FNDC3B: variants seen among roughly 807,000 people sequenced by gnomAD.
FNDC3B encodes the protein fibronectin type III domain containing 3B.
A neutral mutation model predicts 151.5 loss-of-function variants in FNDC3B; 12 were observed. That is an observed-to-expected ratio of 0.08 (90% CI 0.05 to 0.13). The LOEUF (loss-of-function observed/expected upper bound fraction) is 0.13. FNDC3B is among the 10% of genes least tolerant of loss of function. The pLI, the probability that FNDC3B is intolerant of heterozygous loss-of-function variation, is 1.00. For synonymous variants in FNDC3B, 528 were observed against 549.0 expected, an observed-to-expected ratio of 0.96 and a Z score of 0.54; for missense variants, 1,214 against 1,505.3, an observed-to-expected ratio of 0.81 and a Z score of 3.20.
chr3:172,256,910 G>A (rs968765087), intron 6 of FNDC3B, among the ~76,000 whole-genome samples: 1 of 151,980 alleles, frequency 6.6e-6, no homozygotes, highest in Admixed American at 6.6e-5. Context: ...AGGAAATCAA[G>A]AGTGTAAAGT....
intron 4 of FNDC3B, among the ~76,000 whole-genome samples, chr3:172,233,702 A>T (rs868006586): frequency 2.1e-4 from 32 of 152,354 alleles, no homozygotes; most frequent in Middle Eastern, 3.4e-3. Flanking sequence ...TGTGAAAATG[A>T]TAACAGAAAG....
intron 3 of FNDC3B, among the ~76,000 whole-genome samples, chr3:172,168,050 A>T (rs1322451092): frequency 6.6e-6 from 1 of 152,202 alleles, no homozygotes; most frequent in African/African-American, 2.4e-5. Context: ...GCTATGATGT[A>T]GGTCTTTTCT....
chr3:172,378,412 A>G lies in FNDC3B; in HGVS notation c.3151A>G (p.Lys1051Glu), dbSNP rs748849925. The change falls in exon 24 of 26, where the codon AAA becomes GAA. Residue 1051 changes from lysine (K) to glutamate (E), a missense_variant. By Grantham distance (56) the Lys-to-Glu change is moderately conservative (BLOSUM62 1). Transcript: ENST00000415807. ...AGAAACCTATACCTTCAGCACAACC[A>G]AAAGTGTCCCCCCCACCATCAAAGG... ...FSETYTFSTT[K>E]SVPPTIKAPR... is the part of the protein sequence containing the mutation. The G allele has an allele frequency of 6.2e-7, 1 of 1,612,508 alleles. No individual in the cohort carries two copies.
intron 3 of FNDC3B, among the ~76,000 whole-genome samples, chr3:172,167,051 A>G (rs1345598136): frequency 6.6e-6 from 1 of 152,202 alleles, no homozygotes; most frequent in Non-Finnish European, 1.5e-5. Flanking sequence ...AGCCTATTTT[A>G]TAGATAAGGA....
At chr3:172,302,488 C>CA (rs1730961985) in intron 9 of FNDC3B, 1 of 152,242 alleles carries the variant, frequency 6.6e-6, no homozygotes, top group African/African-American at 2.4e-5. Context: ...TATTCCAAGA[C>CA]ATTTCAGGTT....
rs1046890839 is a variant in FNDC3B, at chr3:172,401,134, G to A, written c.*3659G>A. ...GTCGGGGTTTCACCATGTTGGCCAAGATGGTCTCGATCTGACCTCGTGATC... is the reference window on the plus strand; with the variant it reads ...GTCGGGGTTTCACCATGTTGGCCAAAATGGTCTCGATCTGACCTCGTGATC... On this transcript the variant is annotated 3_prime_UTR_variant, in exon 26 of 26. Coordinates refer to ENST00000415807, the MANE Select transcript of FNDC3B (RefSeq NM_022763.4). 1 of 152,242 alleles carries A rather than the reference G, an allele frequency of 6.6e-6. No homozygotes were observed. Among genetic ancestry groups the A allele is most frequent in the African/African-American group, 2.4e-5 (1 of 41,412 alleles). The allele number at this position is 152,242 out of a possible 1,614,324, so 9.4% of individuals were successfully genotyped here.
intron 1 of FNDC3B, among the ~76,000 whole-genome samples, chr3:172,084,500 C>T (rs201374688): frequency 3.3e-5 from 5 of 151,684 alleles, no homozygotes; most frequent in Non-Finnish European, 5.9e-5. Flanking sequence ...CACACACACA[C>T]GTATATTCTG....
intron 11 of FNDC3B, among the ~76,000 whole-genome samples, chr3:172,317,472 C>T (rs1228147149): frequency 6.6e-6 from 1 of 152,140 alleles, no homozygotes; most frequent in Admixed American, 6.5e-5. Flanking sequence ...GCGTGAGCCA[C>T]CACGCCCGGC....
chr3:172,389,555 T>G (rs1735897181), intron 25 of FNDC3B, among the ~76,000 whole-genome samples: 1 of 152,144 alleles, frequency 6.6e-6, no homozygotes, highest in Non-Finnish European at 1.5e-5. Flanking sequence ...TAGAAAATGA[T>G]TAAAACATAT....
At chr3:172,202,703 G>A (rs952158342) in intron 3 of FNDC3B, among the ~76,000 whole-genome samples, 1 of 152,172 alleles carries the variant, frequency 6.6e-6, no homozygotes, top group African/African-American at 2.4e-5. Context: ...GTAGATTCCC[G>A]TGTAGACCCT....
rs60894339 is a variant in FNDC3B, at chr3:172,189,799, T to TA, written c.188-37039dup. 8.0e-3 allele frequency among the ~76,000 whole-genome samples: 672 copies of TA among 84,252 alleles called. 8 individuals are homozygous for TA. The highest frequency in any genetic ancestry group is 0.013 in the Middle Eastern group (2 of 156). The allele number at this position is 84,252 out of a possible 152,430, so 55.3% of individuals were successfully genotyped here. A position where few individuals can be genotyped will look rare whatever the true frequency, so the allele number is the denominator to read the frequency against. On this transcript the variant is annotated intron_variant, in intron 3 of 25. Transcript: ENST00000415807. ...CTGGGTGACAGAGTGAGACCTTGTC[T>TA]AAAAAAAAAAAAAAAAAAAAAAAAA...
At chr3:172,174,922 T>A (rs1481062525) in intron 3 of FNDC3B, among the ~76,000 whole-genome samples, 1 of 40,130 alleles carries the variant, frequency 2.5e-5, no homozygotes, top group Non-Finnish European at 5.8e-5. Context: ...TTTGGAGACC[T>A]TCCCCCCGCC....
chr3:172,348,742 C>T lies in FNDC3B; in HGVS notation c.2514+1381C>T, dbSNP rs1733721960. ...AAGAATAGTACCTGCATAATCTTGCCTCGTTGTATTAACAGGAGTAGAAAT... is the reference window on the plus strand; with the variant it reads ...AAGAATAGTACCTGCATAATCTTGCTTCGTTGTATTAACAGGAGTAGAAAT... On this transcript the variant is annotated intron_variant, in intron 21 of 25. Coordinates refer to ENST00000415807, the MANE Select transcript of FNDC3B (RefSeq NM_022763.4). Among the ~76,000 whole-genome samples, 7 of 152,210 alleles carry T rather than the reference C, an allele frequency of 4.6e-5. 1 individual carries two copies. In the South Asian group the frequency reaches 1.5e-3, roughly 32 times the overall value.
chr3:172,364,432 A>G (rs1219895758), intron 23 of FNDC3B, among the ~76,000 whole-genome samples: 1 of 152,228 alleles, frequency 6.6e-6, no homozygotes, highest in African/African-American at 2.4e-5. Flanking sequence ...AGTGGTAGCT[A>G]GCTGAGTTGG....
chr3:172,347,448 G>T, intron 21 of FNDC3B, 87 bp downstream of exon 21: 1 of 1,036,810 alleles, frequency 9.6e-7, no homozygotes, highest in Non-Finnish European at 1.3e-6. Context: ...GCTTGTGGTG[G>T]AGGCTGTCAG....
chr3:172,088,298 C>G (rs575174917), intron 1 of FNDC3B, among the ~76,000 whole-genome samples: 2 of 152,300 alleles, frequency 1.3e-5, no homozygotes, highest in African/African-American at 4.8e-5. Flanking sequence ...TGCAGGTAGT[C>G]TAGTCCAACC....
At chr3:172,151,009 C>G (rs1205805685) in intron 3 of FNDC3B, among the ~76,000 whole-genome samples, 1 of 152,094 alleles carries the variant, frequency 6.6e-6, no homozygotes, top group African/African-American at 2.4e-5. Flanking sequence ...AGATAGCTTT[C>G]TATTCAATCT....
intron 3 of FNDC3B, among the ~76,000 whole-genome samples, chr3:172,163,260 G>C (rs910029904): frequency 2.0e-5 from 3 of 150,046 alleles, no homozygotes; most frequent in Non-Finnish European, 4.4e-5. Flanking sequence ...AACAGAGCAA[G>C]ACTATATCTC....
chr3:172,045,285 A>G (rs1223342111), intron 1 of FNDC3B, among the ~76,000 whole-genome samples: 1 of 152,202 alleles, frequency 6.6e-6, no homozygotes, highest in Non-Finnish European at 1.5e-5. Flanking sequence ...CTAATGGAAT[A>G]GGTGATTTGT....
Sources: allele counts gnomAD v4.1 joint callset (sites outside exome capture counted in the v4.1 genomes callset), GRCh38; gene constraint gnomAD v4.1.1; transcripts MANE v1.5; gene names NCBI Gene and HGNC (gene_info 2026-07-23, HGNC 2026-07-21).